Variants in RBFOX1 observed in about 807,000 individuals in gnomAD.
The protein encoded by RBFOX1 is RNA binding fox-1 homolog 1.
RBFOX1 carries 8 observed loss-of-function variants against 57.7 expected under a neutral mutation model. The observed-to-expected ratio is 0.14, with a 90% CI of 0.08 to 0.25. The LOEUF (loss-of-function observed/expected upper bound fraction) is 0.25, where lower values mean the gene tolerates loss of function less well. RBFOX1 is among the 10% of genes least tolerant of loss of function. The pLI is 1.00. For synonymous variants in RBFOX1, 326 were observed against 222.4 expected, an observed-to-expected ratio of 1.47 and a Z score of -4.15; for missense variants, 611 against 548.5, an observed-to-expected ratio of 1.11 and a Z score of -1.14.
intron 3 of RBFOX1, among the ~76,000 whole-genome samples, chr16:5,818,721 C>A (rs1033605133): frequency 1.3e-5 from 2 of 152,168 alleles, no homozygotes; most frequent in African/African-American, 4.8e-5. Context: ...AAAGAATGAG[C>A]TTCAAGGTAT....
chr16:5,246,413 A>G (rs997985320), intron 1 of RBFOX1, among the ~76,000 whole-genome samples: 1 of 152,160 alleles, frequency 6.6e-6, no homozygotes, highest in African/African-American at 2.4e-5. Flanking sequence ...AAAATGGCTA[A>G]ATCAAGCTAA....
At chr16:7,583,706 G>T (rs1413833386) in intron 6 of RBFOX1, among the ~76,000 whole-genome samples, 1 of 152,072 alleles carries the variant, frequency 6.6e-6, no homozygotes, top group East Asian at 1.9e-4. Context: ...GGCCAGGCAT[G>T]ATGGTGGCTT....
intron 1 of RBFOX1, among the ~76,000 whole-genome samples, chr16:6,066,749 C>T (rs531292991): frequency 2.6e-5 from 4 of 152,176 alleles, no homozygotes; most frequent in African/African-American, 9.6e-5. Context: ...GCCCAGGTGC[C>T]GGGTACGATG....
intron 4 of RBFOX1, among the ~76,000 whole-genome samples, chr16:5,974,613 A>G (rs2060026199): frequency 6.6e-6 from 1 of 152,104 alleles, no homozygotes; most frequent in Admixed American, 6.5e-5. Context: ...CCATCTCAAA[A>G]GAAATAAAAT....
At chr16:6,566,261 C>T (rs893410721) in intron 2 of RBFOX1, among the ~76,000 whole-genome samples, 1 of 152,174 alleles carries the variant, frequency 6.6e-6, no homozygotes, top group African/African-American at 2.4e-5. Context: ...GAAAAAGCCA[C>T]AGGCCAGTCT....
intron 1 of RBFOX1, among the ~76,000 whole-genome samples, chr16:5,436,195 C>G (rs2067912809): frequency 6.6e-6 from 1 of 152,200 alleles, no homozygotes; most frequent in Non-Finnish European, 1.5e-5. Context: ...TGCTCTGATC[C>G]CTGCCTAGGA....
intron 1 of RBFOX1, among the ~76,000 whole-genome samples, chr16:5,456,351 C>T (rs368038412): frequency 1.2e-3 from 182 of 152,282 alleles, no homozygotes; most frequent in African/African-American, 3.9e-3. Context: ...AAGTGAAACT[C>T]GCCTTGTCTG....
intron 2 of RBFOX1, among the ~76,000 whole-genome samples, chr16:6,334,234 G>C (rs2083370959): frequency 6.6e-6 from 1 of 152,108 alleles, no homozygotes; most frequent in African/African-American, 2.4e-5. Flanking sequence ...GTGGCCAGGT[G>C]TGGTGGCTCA....
intron 13 of RBFOX1, among the ~76,000 whole-genome samples, chr16:7,675,604 T>TAC (rs1400711611): frequency 2.0e-5 from 3 of 152,238 alleles, no homozygotes; most frequent in Non-Finnish European, 4.4e-5. Flanking sequence ...GAGACCCGTG[T>TAC]ACCTACATCT....
chr16:6,794,038 T>A (rs1299602099), intron 3 of RBFOX1, among the ~76,000 whole-genome samples: 10 of 152,126 alleles, frequency 6.6e-5, no homozygotes, highest in Admixed American at 6.6e-4. Context: ...CGCTAGGGAA[T>A]TTCTATCAAA....
intron 3 of RBFOX1, among the ~76,000 whole-genome samples, chr16:6,832,461 C>T (rs551788427): frequency 1.1e-4 from 17 of 152,252 alleles, no homozygotes; most frequent in African/African-American, 4.1e-4. Context: ...CAAAACCCAG[C>T]AGTGGTTGAC....
At chr16:6,551,456 C>T (rs917995764) in intron 2 of RBFOX1, among the ~76,000 whole-genome samples, 4 of 152,292 alleles carry the variant, frequency 2.6e-5, no homozygotes, top group African/African-American at 7.2e-5. Flanking sequence ...TATAATTTTA[C>T]GCTGTCTAAC....
intron 3 of RBFOX1, among the ~76,000 whole-genome samples, chr16:6,826,616 C>G (rs758397400): frequency 7.2e-5 from 11 of 152,144 alleles, no homozygotes; most frequent in Non-Finnish European, 1.5e-4. Flanking sequence ...TCCCTCTTGA[C>G]ATTTTCCTTT....
At chr16:5,436,963 G>C (rs1033594372) in intron 1 of RBFOX1, among the ~76,000 whole-genome samples, 5 of 152,120 alleles carry the variant, frequency 3.3e-5, no homozygotes, top group Admixed American at 3.3e-4. Context: ...TCCTGTCTTT[G>C]ATTTGTACCT....
chr16:6,977,132 GATATATATT>G (rs1252982801), intron 3 of RBFOX1, among the ~76,000 whole-genome samples: 1 of 130,104 alleles, frequency 7.7e-6, no homozygotes, highest in African/African-American at 2.9e-5. Flanking sequence ...TCATATATAT[GATATATATT>G]ATATATATCA....
At chr16:6,988,708 G>T (rs927911694) in intron 3 of RBFOX1, among the ~76,000 whole-genome samples, 1 of 148,878 alleles carries the variant, frequency 6.7e-6, no homozygotes, top group Non-Finnish European at 1.5e-5. Flanking sequence ...GGGATTACAG[G>T]TGTGTGACAT....
chr16:6,502,950 C>T (rs1321602419), intron 2 of RBFOX1, among the ~76,000 whole-genome samples: 1 of 152,010 alleles, frequency 6.6e-6, no homozygotes, highest in Non-Finnish European at 1.5e-5. Context: ...AGGCCTTAAT[C>T]TGATATTATG....
chr16:5,534,382 G>T (rs1287536961), intron 2 of RBFOX1, among the ~76,000 whole-genome samples: 3 of 152,190 alleles, frequency 2.0e-5, no homozygotes, highest in Non-Finnish European at 4.4e-5. Flanking sequence ...GTGGAAGAAG[G>T]AAGCCAATAG....
At position 7,283,245 on chromosome 16, in the gene RBFOX1, C is replaced by T. The variant is rs971702877; in HGVS notation, c.27+231147C>T. ...CTCTCTCTGCTTGTCTCTCTCTGTT[C>T]GTTCATCCCCTAGTGCTTGGTCCAG... is the stretch of plus-strand genomic sequence containing the variant. On this transcript the variant is annotated intron_variant, in intron 4 of 15. Transcript: ENST00000550418. 5.3e-5 allele frequency among the ~76,000 whole-genome samples: 8 copies of T among 151,798 alleles called. No individual in the cohort carries two copies. In the South Asian group the frequency reaches 1.2e-3, roughly 24 times the overall value.
Sources: allele counts gnomAD v4.1 joint callset (sites outside exome capture counted in the v4.1 genomes callset), GRCh38; gene constraint gnomAD v4.1.1; transcripts MANE v1.5; gene names NCBI Gene and HGNC (gene_info 2026-07-23, HGNC 2026-07-21).